Variants in RGS4 observed in about 807,000 individuals in gnomAD.
The protein encoded by RGS4 is regulator of G protein signaling 4, also known as schizophrenia disorder 9.
A neutral mutation model predicts 21.6 loss-of-function variants in RGS4; 15 were observed. The ratio of observed to expected loss-of-function variants is 0.69; its 90% CI spans 0.46 to 1.07. The LOEUF is 1.07. Among genes scored for constraint, RGS4 ranks in the 50% least tolerant of loss-of-function variants. The pLI is 0.00. For synonymous variants in RGS4, 94 were observed against 85.5 expected (o/e 1.10, Z -0.55); for missense variants, 237 against 239.0 (o/e 0.99, Z 0.06).
rs78249897 is a variant in RGS4, at chr1:163,075,085, A to G, written c.*525A>G. On this transcript the variant is annotated 3_prime_UTR_variant, in exon 5 of 5. Transcript: ENST00000367909. ...TATAGATGTCTGTGTATACATATGT[A>G]TGTGTGAGTGTATGTATACACACAC... The G allele has an allele frequency of 1.5e-3, 230 of 155,008 alleles. 2 individuals carry two copies. The East Asian group carries it at 0.019, about 13-fold the overall frequency. The allele number at this position is 155,008 out of a possible 1,614,324, so 9.6% of individuals were successfully genotyped here. A position where few individuals can be genotyped will look rare whatever the true frequency, so the allele number is the denominator to read the frequency against.
At chr1:163,071,806 T>C in intron 1 of RGS4, 1 of 133,414 alleles carries the variant, frequency 7.5e-6, no homozygotes, top group Non-Finnish European at 1.5e-5. Context: ...CTGCTGGAAC[T>C]GTGCACCTCA....
Position 163,071,926 on chromosome 1 carries a change from A to G in RGS4, c.45-469A>G, listed in dbSNP as rs1056124186. ...TTTTACTTTCCCGAGGTGCTTCTACAGTTCCCTCTGCCAGCAGGGGAACAG... is the reference window on the plus strand; with the variant it reads ...TTTTACTTTCCCGAGGTGCTTCTACGGTTCCCTCTGCCAGCAGGGGAACAG... On this transcript the variant is annotated intron_variant, in intron 1 of 4. Coordinates refer to ENST00000367909, the MANE Select transcript of RGS4 (RefSeq NM_005613.6). 105 of 961,814 alleles carry G rather than the reference A, an allele frequency of 1.1e-4. No homozygotes were observed. The Middle Eastern group carries it at 4.4e-3, about 40-fold the overall frequency. 59.6% of individuals were successfully genotyped at this position (961,814 alleles called of 1,614,324 possible). A position where few individuals can be genotyped will look rare whatever the true frequency, so the allele number is the denominator to read the frequency against.
At chr1:163,072,054 T>A (rs2102342979) in intron 1 of RGS4, 1 of 1,015,748 alleles carries the variant, frequency 9.8e-7, no homozygotes, top group Non-Finnish European at 1.2e-6. Flanking sequence ...AGATCACTCA[T>A]GTGTTCAGTG....
chr1:163,073,874 A>C, intron 4 of RGS4: 1 of 406,832 alleles, frequency 2.5e-6, no homozygotes, highest in Non-Finnish European at 4.3e-6. Context: ...CCTCTACCCA[A>C]CTTTCTATCT....
At position 163,073,529 on chromosome 1, in the gene RGS4, T is replaced by G; in HGVS notation, c.285T>G (p.Cys95Trp). The G allele has an allele frequency of 6.2e-7, 1 of 1,611,632 alleles. No homozygotes were observed. Among genetic ancestry groups the G allele is most frequent in the Non-Finnish European group, 8.5e-7 (1 of 1,178,914 alleles). ...AGAATATTGACTTCTGGATCAGCTG[T>G]GAAGAGTACAAGAAAATCAAATCAC... ...SEENIDFWIS[C>W]EEYKKIKSPS... is the part of the protein sequence containing the mutation. Residue 95 changes from cysteine to tryptophan, a missense_variant, in exon 4 of 5, where the codon TGT (cysteine) becomes TGG (tryptophan). By Grantham distance (215) the Cys-to-Trp change is radical (BLOSUM62 -2). Transcript: ENST00000367909.
chr1:163,074,029 C>T (rs1655415501), intron 4 of RGS4: 2 of 428,418 alleles, frequency 4.7e-6, no homozygotes, highest in Non-Finnish European at 8.2e-6. Flanking sequence ...TTTAAAAAAT[C>T]TCTTTTATCC....
Position 163,072,835 on chromosome 1 carries a change from T to C in RGS4, c.180T>C (p.Ala60=), listed in dbSNP as rs1655365415. ...RVSQEEVKKW[A]ESLENLISHE... ...GCCAAGAGGAAGTCAAGAAATGGGCTGAATCACTGGAAAACCTGATTAGTC... is the reference window on the plus strand; with the variant it reads ...GCCAAGAGGAAGTCAAGAAATGGGCCGAATCACTGGAAAACCTGATTAGTC... Residue 60 remains alanine (A), a synonymous_variant, in exon 3 of 5, where the codon GCT becomes GCC. Transcript: ENST00000367909. 5.0e-6 allele frequency: 8 copies of C among 1,613,160 alleles called. No homozygotes were observed. The highest frequency in any genetic ancestry group is 5.1e-6 in the Non-Finnish European group (6 of 1,179,516).
At position 163,074,891 on chromosome 1, in the gene RGS4, G is replaced by T. The variant is rs1470578577; in HGVS notation, c.*331G>T. 6.8e-6 allele frequency: 4 copies of T among 591,268 alleles called. No homozygotes were observed. Among genetic ancestry groups the T allele is most frequent in the African/African-American group, 1.9e-5 (1 of 53,542 alleles). The allele number at this position is 591,268 out of a possible 1,614,324, so 36.6% of individuals were successfully genotyped here. ...CTCCCAACAGTTTTACCTCGGGATG[G>T]TTGGTTAGTGCATGTCACATGACAT... On this transcript the variant is annotated 3_prime_UTR_variant, in exon 5 of 5. Transcript: ENST00000367909.
At chr1:163,070,733 A>G (rs1655273561) in intron 1 of RGS4, 1 of 152,208 alleles carries the variant, frequency 6.6e-6, no homozygotes, top group African/African-American at 2.4e-5. Context: ...AATATTTTGC[A>G]AAACAGATAA....
At chr1:163,072,127 C>T in intron 1 of RGS4, 1 of 1,154,706 alleles carries the variant, frequency 8.7e-7, no homozygotes, top group Non-Finnish European at 1.1e-6. Context: ...CATATAAAGG[C>T]TTCTCAGGTT....
rs1237641850 is a variant in RGS4 at position 163,073,510 on chromosome 1, T to C, written c.266T>C (p.Ile89Thr). Residue 89 changes from isoleucine to threonine, a missense_variant, in exon 4 of 5, where the codon ATT becomes ACT. Coordinates refer to ENST00000367909, the MANE Select transcript of RGS4 (RefSeq NM_005613.6). ...AAGTCTGAATATAGTGAGGAGAATA[T>C]TGACTTCTGGATCAGCTGTGAAGAG... ...FLKSEYSEEN[I>T]DFWISCEEYK... is the part of the protein sequence containing the mutation. 6.2e-7 allele frequency: 1 copy of C among 1,607,734 alleles called. No individual in the cohort carries two copies.
intron 1 of RGS4, chr1:163,071,931 C>T (rs1270185078): frequency 1.0e-6 from 1 of 974,514 alleles, no homozygotes; most frequent in Non-Finnish European, 1.2e-6. Context: ...TCTACAGTTC[C>T]CTCTGCCAGC....
rs374085749 is a variant in RGS4 at position 163,075,958 on chromosome 1, G to A, written c.*1398G>A. On this transcript the variant is annotated 3_prime_UTR_variant, in exon 5 of 5. Coordinates refer to ENST00000367909, the MANE Select transcript of RGS4 (RefSeq NM_005613.6). The stretch of plus-strand genomic sequence containing the variant: ...GAGACTAAATGAGAGGAAAAGAAAA[G>A]AAAAAAAAAATGATTGTCTAACCAA... The A allele has an allele frequency of 6.6e-6, 1 of 151,484 alleles. No homozygotes were observed. Among genetic ancestry groups the A allele is most frequent in the African/African-American group, 2.4e-5 (1 of 40,930 alleles). 9.4% of individuals were successfully genotyped at this position (151,484 alleles called of 1,614,324 possible).
upstream of RGS4, chr1:163,068,948 T>C (rs377035635): frequency 3.6e-5 from 57 of 1,604,210 alleles, no homozygotes; most frequent in Admixed American, 5.0e-5. Flanking sequence ...TATAATATGA[T>C]GCTTCTAATC....
chr1:163,075,323 G>A lies in RGS4; in HGVS notation c.*763G>A, dbSNP rs2102346239. ...TTGTAAAATTCCATGGATCTTGCTGGAGAAGCATCCAAGGAACTTCATGCT... is the reference window on the plus strand; with the variant it reads ...TTGTAAAATTCCATGGATCTTGCTGAAGAAGCATCCAAGGAACTTCATGCT... On this transcript the variant is annotated 3_prime_UTR_variant, in exon 5 of 5. Transcript: ENST00000367909. 1 of 152,596 alleles carries A rather than the reference G, an allele frequency of 6.6e-6. No homozygotes were observed. Among genetic ancestry groups the A allele is most frequent in the East Asian group, 1.9e-4 (1 of 5,174 alleles). The allele number at this position is 152,596 out of a possible 1,614,324, so 9.5% of individuals were successfully genotyped here. A position where few individuals can be genotyped will look rare whatever the true frequency, so the allele number is the denominator to read the frequency against.
intron 3 of RGS4, among the ~76,000 whole-genome samples, 199 bp from the exon 4 acceptor site, chr1:163,073,257 A>G (rs1256211885): frequency 6.6e-6 from 1 of 152,224 alleles, no homozygotes; most frequent in Non-Finnish European, 1.5e-5. Context: ...AGTAAGAATC[A>G]TTAGGTAGAA....
At position 163,075,102 on chromosome 1, in the gene RGS4, T is replaced by TAC. The variant is rs5778313; in HGVS notation, c.*569_*570dup. 1,210 of 156,256 alleles carry TAC rather than the reference T, an allele frequency of 7.7e-3. 20 individuals are homozygous for TAC. Among genetic ancestry groups the TAC allele is most frequent in the African/African-American group, 0.028 (1,162 of 40,890 alleles). The allele number at this position is 156,256 out of a possible 1,614,324, so 9.7% of individuals were successfully genotyped here. ...ACATATGTATGTGTGAGTGTATGTATACACACACACACACACACACACACA... is the reference window on the plus strand; with the variant it reads ...ACATATGTATGTGTGAGTGTATGTATACACACACACACACACACACACACACA... On this transcript the variant is annotated 3_prime_UTR_variant, in exon 5 of 5. Transcript: ENST00000367909.
chr1:163,074,900 T>C lies in RGS4; in HGVS notation c.*340T>C. ...GTTTTACCTCGGGATGGTTGGTTAGTGCATGTCACATGACATCCACATGCA... is the reference window on the plus strand; with the variant it reads ...GTTTTACCTCGGGATGGTTGGTTAGCGCATGTCACATGACATCCACATGCA... On this transcript the variant is annotated 3_prime_UTR_variant, in exon 5 of 5. Transcript: ENST00000367909. 1.7e-6 allele frequency: 1 copy of C among 586,918 alleles called. No individual in the cohort carries two copies. The highest frequency in any genetic ancestry group is 3.0e-6 in the Non-Finnish European group (1 of 329,976). The allele number at this position is 586,918 out of a possible 1,614,324, so 36.4% of individuals were successfully genotyped here.
Position 163,072,803 on chromosome 1 carries a change from A to G in RGS4, c.150-2A>G. 3 of 1,611,944 alleles carry G rather than the reference A, an allele frequency of 1.9e-6. No individual in the cohort carries two copies. The highest frequency in any genetic ancestry group is 1.1e-5 in the South Asian group (1 of 90,888). On this transcript the variant is annotated splice_acceptor_variant, in intron 2 of 4. Transcript: ENST00000367909. LOFTEE classifies it high-confidence loss of function. ...TATTCTGTTTCTCTCTATTTTTTCTAGAGTGAGCCAAGAGGAAGTCAAGAA... is the reference window on the plus strand; with the variant it reads ...TATTCTGTTTCTCTCTATTTTTTCTGGAGTGAGCCAAGAGGAAGTCAAGAA...
Sources: gnomAD v4.1 joint callset for allele counts (sites outside exome capture counted in the v4.1 genomes callset) on GRCh38, gnomAD v4.1.1 for gene constraint, MANE v1.5 for transcripts, NCBI Gene and HGNC (gene_info 2026-07-23, HGNC 2026-07-21) for gene names.